The following SNX9 variants were observed in gnomAD, a reference collection of about 807,000 sequenced individuals.
SNX9 encodes the protein sorting nexin-9.
Under a neutral mutation model 89.4 loss-of-function variants are expected in SNX9, and 44 were observed. The observed-to-expected ratio is 0.49, with a 90% CI of 0.39 to 0.63. SNX9 has a LOEUF of 0.63. Ranked by LOEUF, SNX9 falls within the 30% of genes least tolerant of loss-of-function variation. The pLI, the probability that SNX9 is intolerant of heterozygous loss-of-function variation, is 0.00. For synonymous variants in SNX9, 236 were observed against 247.8 expected, an observed-to-expected ratio of 0.95 and a Z score of 0.45; for missense variants, 578 against 736.1, an observed-to-expected ratio of 0.79 and a Z score of 2.49.
rs1281594338 is a variant in SNX9 at position 157,921,622 on chromosome 6, T to A, written c.1041T>A (p.Ser347Arg). ...RMCRHPVISE[S>R]EVFQQFLNFR... ...GTCGCCATCCAGTAATCTCAGAAAG[T>A]GAAGTTTTCCAGCAGTTCCTAAATT... Residue 347 changes from serine (S) to arginine (R), a missense_variant, in exon 10 of 18, where the codon AGT (serine) becomes AGA (arginine). By Grantham distance (110) the Ser-to-Arg change is moderately radical. Coordinates refer to ENST00000392185, the MANE Select transcript of SNX9 (RefSeq NM_016224.5). The A allele has an allele frequency of 6.2e-7, 1 of 1,613,960 alleles. No homozygotes were observed. The highest frequency in any genetic ancestry group is 1.3e-5 in the African/African-American group (1 of 75,022).
At chr6:157,876,554 C>G (rs1345939683) in intron 4 of SNX9, among the ~76,000 whole-genome samples, 1 of 152,216 alleles carries the variant, frequency 6.6e-6, no homozygotes, top group Non-Finnish European at 1.5e-5. Flanking sequence ...TGTAGACATT[C>G]TGAATTACAA....
rs182205359 is a variant in SNX9, at chr6:157,824,430, A to G, written c.12+984A>G. 3.8e-4 allele frequency among the ~76,000 whole-genome samples: 58 copies of G among 152,246 alleles called. 1 individual carries two copies. In the East Asian group the frequency reaches 7.7e-3, roughly 20 times the overall value. On this transcript the variant is annotated intron_variant, in intron 1 of 17. Coordinates refer to ENST00000392185, the MANE Select transcript of SNX9 (RefSeq NM_016224.5). Reference sequence around the variant, plus strand: ...GTTTACTTTTGCACTTAGTTTTTGTAATGTCACTTTGTTAGCATCAGCACC... The same window carrying G: ...GTTTACTTTTGCACTTAGTTTTTGTGATGTCACTTTGTTAGCATCAGCACC...
chr6:157,840,407 CTT>C (rs916789998), intron 1 of SNX9, among the ~76,000 whole-genome samples: 2 of 129,274 alleles, frequency 1.5e-5, no homozygotes, highest in African/African-American at 6.8e-5. Context: ...ACAAAAAATA[CTT>C]TCTTTCTTTC....
intron 7 of SNX9, among the ~76,000 whole-genome samples, chr6:157,909,245 A>G (rs1460066864): frequency 6.6e-6 from 1 of 152,250 alleles, no homozygotes; most frequent in Non-Finnish European, 1.5e-5. Flanking sequence ...ACTTGAGGAC[A>G]ATTTGGTATT....
In SNX9 at chr6:157,944,092, G is replaced by GC. The variant is rs1784095423; in HGVS notation, c.*1255dup. The stretch of plus-strand genomic sequence containing the variant: ...CGGCATAAAGCAAAACAGGACCTTG[G>GC]CACACCGTCAGCTCGAACTCAACAC... On this transcript the variant is annotated 3_prime_UTR_variant, in exon 18 of 18. Transcript: ENST00000392185. 6.6e-6 allele frequency: 1 copy of GC among 152,216 alleles called. No homozygotes were observed. Among genetic ancestry groups the GC allele is most frequent in the African/African-American group, 2.4e-5 (1 of 41,402 alleles). 9.4% of individuals were successfully genotyped at this position (152,216 alleles called of 1,614,324 possible).
chr6:157,845,059 C>T (rs1781778247), intron 1 of SNX9, among the ~76,000 whole-genome samples: 1 of 150,040 alleles, frequency 6.7e-6, no homozygotes, highest in African/African-American at 2.5e-5. Flanking sequence ...AAGGCAATTT[C>T]AGGATTACAG....
At position 157,942,872 on chromosome 6, in the gene SNX9, T is replaced by C; in HGVS notation, c.*34T>C. Reference sequence around the variant, plus strand: ...GGGCCTTGAAGAGAATGCCGCGTGCTTTCTCCTGACTTGGGGCAATGCAAT... The same window carrying C: ...GGGCCTTGAAGAGAATGCCGCGTGCCTTCTCCTGACTTGGGGCAATGCAAT... On this transcript the variant is annotated 3_prime_UTR_variant, in exon 18 of 18. Coordinates refer to ENST00000392185, the MANE Select transcript of SNX9 (RefSeq NM_016224.5). 4 of 1,599,410 alleles carry C rather than the reference T, an allele frequency of 2.5e-6. No homozygotes were observed. The highest frequency in any genetic ancestry group is 1.1e-5 in the South Asian group (1 of 89,482).
Position 157,937,536 on chromosome 6 carries a change from T to C in SNX9, c.1533+13T>C, listed in dbSNP as rs768769440. 6.3e-6 allele frequency: 10 copies of C among 1,594,282 alleles called. No individual in the cohort carries two copies. The African/African-American group carries it at 1.1e-4, about 17-fold the overall frequency. ...TGGCACTCACAAGGTAACCTGATCG[T>C]AGACATTTATAGAAGACAACAGCAG... On this transcript the variant is annotated intron_variant, in intron 15 of 17. Coordinates refer to ENST00000392185, the MANE Select transcript of SNX9 (RefSeq NM_016224.5).
chr6:157,914,548 C>T (rs1012378330), intron 9 of SNX9, among the ~76,000 whole-genome samples: 6 of 141,454 alleles, frequency 4.2e-5, no homozygotes, highest in Admixed American at 7.7e-5. Flanking sequence ...ACCATCTCAG[C>T]TCACTACAAC....
intron 4 of SNX9, among the ~76,000 whole-genome samples, chr6:157,885,807 A>G (rs978144462): frequency 1.3e-5 from 2 of 152,222 alleles, no homozygotes; most frequent in Non-Finnish European, 2.9e-5. Flanking sequence ...TGGACTTACC[A>G]GATGGGATGA....
At chr6:157,932,324 G>A in intron 13 of SNX9, 52 bp downstream of exon 13, 1 of 1,513,552 alleles carries the variant, frequency 6.6e-7, no homozygotes, top group Non-Finnish European at 9.2e-7. Context: ...ATGTAGACCT[G>A]TCACCTGCTT....
At chr6:157,932,169 A>C in intron 12 of SNX9, 26 bp from the exon 13 acceptor site, 5 of 1,605,554 alleles carry the variant, frequency 3.1e-6, no homozygotes, top group Non-Finnish European at 4.3e-6. Context: ...CAGAAGACTA[A>C]TCGTTTATTC....
chr6:157,899,547 C>T (rs927479988), intron 5 of SNX9, among the ~76,000 whole-genome samples: 15 of 152,098 alleles, frequency 9.9e-5, no homozygotes, highest in African/African-American at 3.4e-4. Flanking sequence ...CCGAGGCAGG[C>T]GGATCACAAG....
rs547729721 is a variant in SNX9, at chr6:157,926,737, T to TG, written c.1081-373dup. Among the ~76,000 whole-genome samples the TG allele has an allele frequency of 1.0e-4, 14 of 137,044 alleles. No homozygotes were observed. In the South Asian group the frequency reaches 2.7e-3, roughly 26 times the overall value. The allele number at this position is 137,044 out of a possible 152,430, so 89.9% of individuals were successfully genotyped here. On this transcript the variant is annotated intron_variant, in intron 10 of 17. Transcript: ENST00000392185. ...TCAAGGATACAGTGAGCTGAGATCA[T>TG]GCCACTGTACTCCAGCCTAGAAGGC...
intron 4 of SNX9, among the ~76,000 whole-genome samples, chr6:157,891,884 A>G (rs1250396041): frequency 6.6e-6 from 1 of 152,230 alleles, no homozygotes; most frequent in East Asian, 1.9e-4. Context: ...TTGAAGCTTC[A>G]GAGTGAAGGT....
intron 10 of SNX9, among the ~76,000 whole-genome samples, chr6:157,922,911 C>G (rs1783611763): frequency 6.6e-6 from 1 of 152,196 alleles, no homozygotes; most frequent in Non-Finnish European, 1.5e-5. Flanking sequence ...ACAGAAACTA[C>G]AGGGAACCAC....
chr6:157,944,865 T>C lies in SNX9; in HGVS notation c.*2027T>C, dbSNP rs907483366. ...CGACTGTGAGGAAAAGCAGAGGGAA[T>C]GTGAAAGAAAATAAGAGAATCCACG... On this transcript the variant is annotated 3_prime_UTR_variant, in exon 18 of 18. Transcript: ENST00000392185. 1.3e-5 allele frequency: 2 copies of C among 152,140 alleles called. No homozygotes were observed. Among genetic ancestry groups the C allele is most frequent in the African/African-American group, 4.8e-5 (2 of 41,420 alleles). The allele number at this position is 152,140 out of a possible 1,614,324, so 9.4% of individuals were successfully genotyped here.
chr6:157,927,022 G>T, intron 10 of SNX9, 89 bp from the exon 11 acceptor site: 1 of 925,414 alleles, frequency 1.1e-6, no homozygotes, highest in East Asian at 2.4e-5. Context: ...GAAAGATAAA[G>T]GTGATAAATG....
At chr6:157,849,222 T>C (rs1781861940) in intron 1 of SNX9, among the ~76,000 whole-genome samples, 1 of 152,218 alleles carries the variant, frequency 6.6e-6, no homozygotes, top group Non-Finnish European at 1.5e-5. Context: ...AATTTTTTAG[T>C]CCAAACTGGA....
Sources: gnomAD v4.1 joint callset for allele counts (sites outside exome capture counted in the v4.1 genomes callset) on GRCh38, gnomAD v4.1.1 for gene constraint, MANE v1.5 for transcripts, NCBI Gene and HGNC (gene_info 2026-07-23, HGNC 2026-07-21) for gene names.